TBX1: variants seen among roughly 807,000 people sequenced by gnomAD.
TBX1 encodes the protein T-box transcription factor TBX1.
TBX1 carries 16 observed loss-of-function variants against 40.8 expected under a neutral mutation model. That is an observed-to-expected ratio of 0.39 (90% CI 0.27 to 0.60). TBX1 has a LOEUF of 0.60. Ranked by LOEUF, TBX1 falls within the 20% of genes least tolerant of loss-of-function variation. The pLI is 0.51. For missense variants in TBX1, 755 were observed against 728.5 expected, an observed-to-expected ratio of 1.04 and a Z score of -0.42; for synonymous variants, 403 against 336.8, an observed-to-expected ratio of 1.20 and a Z score of -2.15.
At chr22:19,759,606 G>C (rs1444986081), upstream of TBX1, 10 of 1,609,792 alleles carry the variant, frequency 6.2e-6, no homozygotes, top group Admixed American at 1.7e-5. Context: ...TCCTCCGACC[G>C]GGTGAAGCTT....
chr22:19,763,428 C>T lies in TBX1; in HGVS notation c.539+86C>T, dbSNP rs915317322. On this transcript the variant is annotated intron_variant, in intron 2 of 6. Coordinates refer to ENST00000649276, the MANE Select transcript of TBX1 (RefSeq NM_001379200.1). Reference sequence around the variant, plus strand: ...CGCCTGGTGACCCAACTCCAAGGGTCGTCTGCACCATGAAACTCTTTAGGC... The same window carrying T: ...CGCCTGGTGACCCAACTCCAAGGGTTGTCTGCACCATGAAACTCTTTAGGC... The T allele has an allele frequency of 5.5e-6, 7 of 1,266,008 alleles. No individual in the cohort carries two copies. The Admixed American group carries it at 7.2e-5, about 13-fold the overall frequency. 78.4% of individuals were successfully genotyped at this position (1,266,008 alleles called of 1,614,324 possible).
downstream of TBX1, chr22:19,782,969 C>A: frequency 6.8e-7 from 1 of 1,480,428 alleles, no homozygotes; most frequent in Non-Finnish European, 9.5e-7. Flanking sequence ...GCTCTTGAAG[C>A]CCCCAAGTAA....
In TBX1 at chr22:19,764,363, A is replaced by G. The variant is rs771630104; in HGVS notation, c.711+37A>G. ...CCTCCCCAGGCTCCGGTGTCCCCCA[A>G]GGCCTCGAGTCCCGAGGCACCCGCC... On this transcript the variant is annotated intron_variant, in intron 3 of 6. Coordinates refer to ENST00000649276, the MANE Select transcript of TBX1 (RefSeq NM_001379200.1). 10 of 1,602,466 alleles carry G rather than the reference A, an allele frequency of 6.2e-6. No individual in the cohort carries two copies. In the South Asian group the frequency reaches 8.8e-5, roughly 14 times the overall value.
intron 1 of TBX1, among the ~76,000 whole-genome samples, chr22:19,763,017 G>C (rs1226028746): frequency 6.6e-6 from 1 of 152,210 alleles, no homozygotes; most frequent in South Asian, 2.1e-4. Flanking sequence ...CTGTGTCCAG[G>C]AACGGCCCAG....
upstream of TBX1, among the ~76,000 whole-genome samples, chr22:19,760,620 A>G (rs1936616848): frequency 1.1e-5 from 1 of 89,848 alleles, no homozygotes; most frequent in Non-Finnish European, 2.2e-5. Flanking sequence ...GGGAGGGGGA[A>G]GGGGCGGGGG....
Position 19,766,647 on chromosome 22 carries a change from A to C in TBX1, c.1295A>C (p.Tyr432Ser). The change falls in exon 7 of 7, where the codon TAC (tyrosine) becomes TCC (serine). Residue 432 changes from tyrosine (Y) to serine (S), a missense_variant. By Grantham distance (144) the Tyr-to-Ser change is moderately radical. Around this residue, in one of 3 missense-constraint regions of TBX1, gnomAD observed 412 missense variants for 317.6 expected, o/e 1.30. Transcript: ENST00000649276. ...HHPYKYPAAA[Y>S]DHYLGAKSRP... ...CCCTACAAATATCCGGCCGCCGCCT[A>C]CGACCACTATCTCGGGGCCAAGAGC... is the stretch of plus-strand genomic sequence containing the variant. 6.4e-7 allele frequency: 1 copy of C among 1,552,592 alleles called. No individual in the cohort carries two copies. Among genetic ancestry groups the C allele is most frequent in the Non-Finnish European group, 8.6e-7 (1 of 1,157,778 alleles).
rs1355717709 is a variant in TBX1 at position 19,760,816 on chromosome 22, C to A, written c.-28C>A. 5.4e-5 allele frequency: 39 copies of A among 721,432 alleles called. No individual in the cohort carries two copies. The highest frequency in any genetic ancestry group is 6.1e-5 in the Non-Finnish European group (37 of 602,780). 44.7% of individuals were successfully genotyped at this position (721,432 alleles called of 1,614,324 possible). A position where few individuals can be genotyped will look rare whatever the true frequency, so the allele number is the denominator to read the frequency against. ...CGCGGGGCAGCGCTCAGCTTGGTGG[C>A]GGGGGCGGCGGCGGCGGCCCGCGGG... On this transcript the variant is annotated 5_prime_UTR_variant, in exon 1 of 7. Transcript: ENST00000649276.
chr22:19,778,409 T>G (rs1396882932), intron 8 of TBX1, among the ~76,000 whole-genome samples: 2 of 151,708 alleles, frequency 1.3e-5, no homozygotes, highest in African/African-American at 4.8e-5. Flanking sequence ...CCATTGCTCC[T>G]TATTTCTTTT....
chr22:19,782,924 G>A (rs537289976), downstream of TBX1: 7 of 1,613,172 alleles, frequency 4.3e-6, no homozygotes, highest in South Asian at 7.7e-5. Flanking sequence ...GCTGGTCACA[G>A]AAGGCTCTGG....
Position 19,761,114 on chromosome 22 carries a change from GCC to G in TBX1, c.272_273del (p.Ala91GlyfsTer86). On this transcript the variant is annotated frameshift_variant, in exon 1 of 7. Transcript: ENST00000649276. LOFTEE classifies it high-confidence loss of function. Reference sequence around the variant, plus strand: ...GCCGGCCGCCGGGGCCGCCACCAGCGCCGCCGCCGAGCCCGAGGGCCCCGGGG... The same window carrying G: ...GCCGGCCGCCGGGGCCGCCACCAGCGGCCGCCGAGCCCGAGGGCCCCGGGG... ...FAPAAGAATSAAAEPEGPGAS... is the reference protein window; with the variant it reads ...FAPAAGAATSXAAEPEGPGAS... 1 of 1,248,178 alleles carries G rather than the reference GCC, an allele frequency of 8.0e-7. No individual in the cohort carries two copies. The highest frequency in any genetic ancestry group is 3.7e-5 in the Admixed American group (1 of 26,792). The allele number at this position is 1,248,178 out of a possible 1,614,324, so 77.3% of individuals were successfully genotyped here.
At chr22:19,780,479 T>C (rs1937129247), downstream of TBX1, among the ~76,000 whole-genome samples, 1 of 152,228 alleles carries the variant, frequency 6.6e-6, no homozygotes, top group African/African-American at 2.4e-5. Flanking sequence ...CACTATTCTG[T>C]TGTATGTCTG....
At position 19,767,139 on chromosome 22, in the gene TBX1, A is replaced by C; in HGVS notation, c.*272A>C. On this transcript the variant is annotated 3_prime_UTR_variant, in exon 7 of 7. Coordinates refer to ENST00000649276, the MANE Select transcript of TBX1 (RefSeq NM_001379200.1). ...GGGGGTCCCCGCCCGCCAGTGCCAA[A>C]GCGCCCGGTCGGAGGCGGAAGGAAG... 2 of 1,243,778 alleles carry C rather than the reference A, an allele frequency of 1.6e-6. No homozygotes were observed. The highest frequency in any genetic ancestry group is 2.0e-6 in the Non-Finnish European group (2 of 994,010). The allele number at this position is 1,243,778 out of a possible 1,614,324, so 77.0% of individuals were successfully genotyped here.
downstream of TBX1, chr22:19,779,633 G>A (rs1419861600): frequency 1.7e-5 from 18 of 1,051,158 alleles, no homozygotes; most frequent in Non-Finnish European, 3.9e-6. Flanking sequence ...TTTAAACATT[G>A]ACTGTAAACT....
At chr22:19,760,025 G>A (rs1489295472), upstream of TBX1, among the ~76,000 whole-genome samples, 2 of 152,280 alleles carry the variant, frequency 1.3e-5, no homozygotes, top group East Asian at 3.9e-4. Context: ...AGAAAGCCTC[G>A]AGGAAGCCGT....
At position 19,760,938 on chromosome 22, in the gene TBX1, C is replaced by T. The variant is rs1415687525; in HGVS notation, c.95C>T (p.Ala32Val). 13 of 1,013,584 alleles carry T rather than the reference C, an allele frequency of 1.3e-5. No homozygotes were observed. The African/African-American group carries it at 1.8e-4, about 14-fold the overall frequency. The allele number at this position is 1,013,584 out of a possible 1,614,324, so 62.8% of individuals were successfully genotyped here. A position where few individuals can be genotyped will look rare whatever the true frequency, so the allele number is the denominator to read the frequency against. ...GCCAGCAGCCTGAGCAGCCTGGGGG[C>T]CGCGGGGGGCTTCCCGGGCGCCGCG... is the stretch of plus-strand genomic sequence containing the variant. Reference protein sequence around the residue: ...FTASSLSSLGAAGGFPGAASP... With the variant: ...FTASSLSSLGVAGGFPGAASP... Residue 32 changes from alanine (A) to valine (V), a missense_variant, in exon 1 of 7, where the codon GCC becomes GTC. This residue lies in a region of TBX1 where 199 missense variants were observed against 173.0 expected (regional missense o/e 1.15). Transcript: ENST00000649276.
chr22:19,769,353 A>G (rs1048951313), downstream of TBX1, among the ~76,000 whole-genome samples: 2 of 152,172 alleles, frequency 1.3e-5, no homozygotes, highest in Non-Finnish European at 2.9e-5. Flanking sequence ...GGGTCACCAC[A>G]CTGCTGCTGT....
At chr22:19,777,659 G>A (rs4819843) in intron 8 of TBX1, among the ~76,000 whole-genome samples, 28,160 of 151,978 alleles carry the variant, frequency 0.19, 2,766 homozygotes, top group South Asian at 0.36. Flanking sequence ...CCCATTCTGG[G>A]TATCGGTCCT....
chr22:19,764,291 A>G lies in TBX1; in HGVS notation c.676A>G (p.Lys226Glu), dbSNP rs1196891106. Residue 226 changes from lysine (K) to glutamate (E), a missense_variant, in exon 3 of 7, where the codon AAG becomes GAG. Physicochemically the swap from Lys to Glu is moderately conservative, Grantham distance 56. Coordinates refer to ENST00000649276, the MANE Select transcript of TBX1 (RefSeq NM_001379200.1). Reference sequence around the variant, plus strand: ...GCAAATCGTGTCCTTCGACAAGCTCAAGCTGACCAACAACCTACTGGACGA... The same window carrying G: ...GCAAATCGTGTCCTTCGACAAGCTCGAGCTGACCAACAACCTACTGGACGA... ...MKQIVSFDKL[K>E]LTNNLLDDNG... The G allele has an allele frequency of 1.2e-6, 2 of 1,613,214 alleles. No individual in the cohort carries two copies. Among genetic ancestry groups the G allele is most frequent in the Non-Finnish European group, 1.7e-6 (2 of 1,179,948 alleles).
upstream of TBX1, among the ~76,000 whole-genome samples, chr22:19,759,889 C>T (rs1445760093): frequency 6.6e-6 from 1 of 152,186 alleles, no homozygotes; most frequent in African/African-American, 2.4e-5. Context: ...GATGGGCACT[C>T]AGGTATACAC....
Sources: gnomAD v4.1 joint callset for allele counts (sites outside exome capture counted in the v4.1 genomes callset) on GRCh38, gnomAD v4.1.1 for gene constraint, gnomAD v4.1.1 regional missense constraint, MANE v1.5 for transcripts, NCBI Gene and HGNC (gene_info 2026-07-23, HGNC 2026-07-21) for gene names.